The following FMO4 variants were observed in gnomAD, a reference collection of about 807,000 sequenced individuals.
FMO4 encodes the protein dimethylaniline monooxygenase [N-oxide-forming] 4.
Under a neutral mutation model 43.3 loss-of-function variants are expected in FMO4, and 38 were observed. That is an observed-to-expected ratio of 0.88 (90% CI 0.68 to 1.15). The LOEUF (loss-of-function observed/expected upper bound fraction) is 1.15. FMO4 is among the 50% of genes most tolerant of loss of function. The pLI, the probability that FMO4 is intolerant of heterozygous loss-of-function variation, is 0.00. For synonymous variants in FMO4, 224 were observed against 232.2 expected, an observed-to-expected ratio of 0.96 and a Z score of 0.32; for missense variants, 631 against 663.3, an observed-to-expected ratio of 0.95 and a Z score of 0.54.
chr1:171,333,137 T>A, intron 7 of FMO4: 1 of 370,336 alleles, frequency 2.7e-6, no homozygotes, highest in Non-Finnish European at 4.9e-6. Context: ...AAATAAAAGA[T>A]GAAAACTTCC....
intron 5 of FMO4, among the ~76,000 whole-genome samples, chr1:171,328,871 T>C (rs1382576237): frequency 2.6e-5 from 4 of 152,118 alleles, no homozygotes; most frequent in African/African-American, 9.7e-5. Flanking sequence ...GGCAGTTTTC[T>C]GCTTATTCTC....
In FMO4 at chr1:171,334,588, A is replaced by G; in HGVS notation, c.1005A>G (p.Pro335=). ...CTACAGGATATACATTTTCTTTTCC[A>G]TTTTTTGAAGAACCTCTTAAAAGCC... is the stretch of plus-strand genomic sequence containing the variant. The part of the protein sequence containing the change: ...IFTTGYTFSF[P]FFEEPLKSLC... Residue 335 remains proline, a synonymous_variant, in exon 8 of 10, where the codon CCA becomes CCG. Coordinates refer to ENST00000367749, the MANE Select transcript of FMO4 (RefSeq NM_002022.3). The G allele has an allele frequency of 6.2e-7, 1 of 1,613,790 alleles. No homozygotes were observed. The highest frequency in any genetic ancestry group is 8.5e-7 in the Non-Finnish European group (1 of 1,179,816).
At chr1:171,316,807 A>C (rs1207949943) in intron 2 of FMO4, among the ~76,000 whole-genome samples, 1 of 152,184 alleles carries the variant, frequency 6.6e-6, no homozygotes, top group Non-Finnish European at 1.5e-5. Flanking sequence ...AGCCCTAGGA[A>C]ATCCTTCTGA....
rs576613459 is a variant in FMO4 at position 171,318,896 on chromosome 1, C to T, written c.-8-922C>T. Among the ~76,000 whole-genome samples the T allele has an allele frequency of 1.6e-4, 25 of 152,286 alleles. No homozygotes were observed. In the South Asian group the frequency reaches 5.0e-3, roughly 30 times the overall value. On this transcript the variant is annotated intron_variant, in intron 2 of 9. Coordinates refer to ENST00000367749, the MANE Select transcript of FMO4 (RefSeq NM_002022.3). ...TGTGGCTTGTTTGCATGTTCAAACC[C>T]CTTATGGGAAGGGGAGCATGCAGAC...
chr1:171,324,101 T>G, intron 4 of FMO4, 37 bp from the exon 5 acceptor site: 1 of 1,574,430 alleles, frequency 6.4e-7, no homozygotes, highest in Non-Finnish European at 8.6e-7. Flanking sequence ...GGTCCAAGGG[T>G]GTTAGTGAGA....
At chr1:171,323,997 A>C in intron 4 of FMO4, 141 bp from the exon 5 acceptor site, 1 of 684,114 alleles carries the variant, frequency 1.5e-6, no homozygotes. Flanking sequence ...TAACTTCTCT[A>C]GGAAGATGAT....
At position 171,319,880 on chromosome 1, in the gene FMO4, A is replaced by C. The variant is rs775526269; in HGVS notation, c.55A>C (p.Lys19Gln). 1 of 1,613,844 alleles carries C rather than the reference A, an allele frequency of 6.2e-7. No homozygotes were observed. The highest frequency in any genetic ancestry group is 8.5e-7 in the Non-Finnish European group (1 of 1,179,748). The change falls in exon 3 of 10, where the codon AAA becomes CAA. Residue 19 changes from lysine (K) to glutamine (Q), a missense_variant. Physicochemically the swap from Lys to Gln is moderately conservative, Grantham distance 53. Coordinates refer to ENST00000367749, the MANE Select transcript of FMO4 (RefSeq NM_002022.3). ...GAGVSGLSSI[K>Q]CCVDEDLEPT... ...TGGTGTGAGTGGCCTCTCCTCCATC[A>C]AATGCTGTGTGGATGAGGACCTGGA...
chr1:171,314,922 G>C (rs1227308159), intron 1 of FMO4, among the ~76,000 whole-genome samples: 1 of 152,150 alleles, frequency 6.6e-6, no homozygotes, highest in African/African-American at 2.4e-5. Context: ...GGTCAGTCAG[G>C]TATAGGGTGG....
At chr1:171,315,412 G>T (rs1039811117) in intron 1 of FMO4, among the ~76,000 whole-genome samples, 7 of 151,788 alleles carry the variant, frequency 4.6e-5, no homozygotes, top group Admixed American at 6.6e-5. Context: ...CAGTATTCTC[G>T]CCTACCTTTG....
intron 1 of FMO4, among the ~76,000 whole-genome samples, chr1:171,315,411 C>T (rs1371956043): frequency 1.3e-5 from 2 of 152,050 alleles, no homozygotes; most frequent in Admixed American, 6.5e-5. Context: ...GCAGTATTCT[C>T]GCCTACCTTT....
chr1:171,322,996 C>T lies in FMO4; in HGVS notation c.133-8C>T. 1 of 1,608,500 alleles carries T rather than the reference C, an allele frequency of 6.2e-7. No homozygotes were observed. The highest frequency in any genetic ancestry group is 2.2e-5 in the East Asian group (1 of 44,782). On this transcript the variant is annotated splice_polypyrimidine_tract_variant and splice_region_variant and intron_variant, in intron 3 of 9. Transcript: ENST00000367749. ...TATCCCAACAAGCTAACTATGCCTT[C>T]ACCACAGGAATCTTCCAAAGATGGG... is the stretch of plus-strand genomic sequence containing the variant.
intron 2 of FMO4, 59 bp from the exon 3 acceptor site, chr1:171,319,759 C>A: frequency 6.6e-7 from 1 of 1,526,606 alleles, no homozygotes; most frequent in East Asian, 2.3e-5. Context: ...AGTCTTTTGA[C>A]AAGGGCTCCC....
intron 3 of FMO4, 146 bp downstream of exon 3, chr1:171,320,103 T>A (rs1226709865): frequency 3.5e-6 from 3 of 846,148 alleles, no homozygotes; most frequent in African/African-American, 3.4e-5. Context: ...TGTTAAACAT[T>A]AGGCAGGATG....
chr1:171,316,049 A>C (rs1225482850), intron 1 of FMO4, 137 bp from the exon 2 acceptor site: 2 of 152,170 alleles, frequency 1.3e-5, no homozygotes, highest in Non-Finnish European at 2.9e-5. Flanking sequence ...CCCCATACTT[A>C]GCTTAGGACC....
At chr1:171,314,561 T>G (rs1358937411) in intron 1 of FMO4, 148 bp downstream of exon 1, 1 of 152,118 alleles carries the variant, frequency 6.6e-6, no homozygotes, top group African/African-American at 2.4e-5. Context: ...AGCAAGAGAA[T>G]TAAGGAGAGA....
intron 5 of FMO4, among the ~76,000 whole-genome samples, chr1:171,328,323 G>C (rs112456171): frequency 0.21 from 31,562 of 152,054 alleles, 4,476 homozygotes; most frequent in African/African-American, 0.4. Flanking sequence ...AATTACAGGT[G>C]TGAGCCACCG....
chr1:171,327,382 G>A (rs1435560363), intron 5 of FMO4, among the ~76,000 whole-genome samples: 1 of 152,146 alleles, frequency 6.6e-6, no homozygotes, highest in African/African-American at 2.4e-5. Flanking sequence ...GACATCTTGA[G>A]TTCCCATACA....
chr1:171,316,859 G>C (rs1662221007), intron 2 of FMO4, among the ~76,000 whole-genome samples: 1 of 152,176 alleles, frequency 6.6e-6, no homozygotes, highest in South Asian at 2.1e-4. Flanking sequence ...GGTCAGGTAA[G>C]TCTAAGGGTT....
At position 171,323,084 on chromosome 1, in the gene FMO4, C is replaced by A; in HGVS notation, c.213C>A (p.Asp71Glu). The A allele has an allele frequency of 6.2e-7, 1 of 1,612,550 alleles. No homozygotes were observed. The highest frequency in any genetic ancestry group is 8.5e-7 in the Non-Finnish European group (1 of 1,178,644). ...NVCKEMSCYSDFPFHEDYPNF... is the reference protein window; with the variant it reads ...NVCKEMSCYSEFPFHEDYPNF... Reference sequence around the variant, plus strand: ...GTAAGGAAATGTCATGTTACAGTGACTTCCCTTTCCACGAAGATTATCCTA... The same window carrying A: ...GTAAGGAAATGTCATGTTACAGTGAATTCCCTTTCCACGAAGATTATCCTA... The change falls in exon 4 of 10, where the codon GAC (aspartate) becomes GAA (glutamate). Residue 71 changes from aspartate (D) to glutamate (E), a missense_variant. Asp to Glu is a conservative substitution (Grantham distance 45, BLOSUM62 2). Transcript: ENST00000367749.
Sources: gnomAD v4.1 joint callset for allele counts (sites outside exome capture counted in the v4.1 genomes callset) on GRCh38, gnomAD v4.1.1 for gene constraint, MANE v1.5 for transcripts, NCBI Gene and HGNC (gene_info 2026-07-23, HGNC 2026-07-21) for gene names.